KLHL1: variants seen among roughly 807,000 people sequenced by gnomAD.
KLHL1 encodes kelch-like protein 1.
KLHL1 carries 47 observed loss-of-function variants against 77.7 expected under a neutral mutation model. That is an observed-to-expected ratio of 0.60 (90% confidence interval 0.48 to 0.77). The LOEUF (loss-of-function observed/expected upper bound fraction) is 0.77, where lower values mean the gene tolerates loss of function less well. Among genes scored for constraint, KLHL1 ranks in the 30% least tolerant of loss-of-function variants. The pLI is 0.00. For synonymous variants in KLHL1, 360 were observed against 325.2 expected, an observed-to-expected ratio of 1.11 and a Z score of -1.15; for missense variants, 925 against 910.8, an observed-to-expected ratio of 1.02 and a Z score of -0.20.
At chr13:70,077,017 C>T (rs779675999) in intron 1 of KLHL1, among the ~76,000 whole-genome samples, 5 of 151,836 alleles carry the variant, frequency 3.3e-5, no homozygotes, top group East Asian at 3.9e-4. Flanking sequence ...TGTCATTCAT[C>T]GCTGGTGGAA....
At position 69,957,734 on chromosome 13, in the gene KLHL1, C is replaced by T. The variant is rs17085802; in HGVS notation, c.817+3574G>A. ...AGATACCAATTATAAAACGGCACTA[C>T]TTTATAACACACTCTCTTTACAAAT... On this transcript the variant is annotated intron_variant, in intron 3 of 10. Coordinates refer to ENST00000377844, the MANE Select transcript of KLHL1 (RefSeq NM_020866.3). Among the ~76,000 whole-genome samples, 1,340 of 151,854 alleles carry T rather than the reference C, an allele frequency of 8.8e-3. 10 individuals carry two copies. The highest frequency in any genetic ancestry group is 0.013 in the Non-Finnish European group (906 of 67,812).
chr13:69,777,818 A>C (rs1875911172), intron 7 of KLHL1, among the ~76,000 whole-genome samples: 1 of 152,076 alleles, frequency 6.6e-6, no homozygotes, highest in Non-Finnish European at 1.5e-5. Context: ...ACTAATCTGG[A>C]CTTCCTACTC....
chr13:69,805,584 TTAGA>T (rs908472297), intron 6 of KLHL1, among the ~76,000 whole-genome samples: 4 of 151,542 alleles, frequency 2.6e-5, no homozygotes, highest in Non-Finnish European at 5.9e-5. Flanking sequence ...TTAAAACCAT[TTAGA>T]TAGTGGAAAG....
chr13:69,988,344 T>C (rs1884932704), intron 1 of KLHL1, among the ~76,000 whole-genome samples: 1 of 152,192 alleles, frequency 6.6e-6, no homozygotes, highest in South Asian at 2.1e-4. Flanking sequence ...TGTACCACAT[T>C]GTCTTTATCC....
intron 5 of KLHL1, among the ~76,000 whole-genome samples, chr13:69,874,993 C>A (rs1230662898): frequency 6.6e-6 from 1 of 152,060 alleles, no homozygotes; most frequent in African/African-American, 2.4e-5. Flanking sequence ...TTCTACATAG[C>A]ATTTGAAAGT....
chr13:69,712,911 G>C (rs1875947360), intron 9 of KLHL1, among the ~76,000 whole-genome samples: 1 of 151,828 alleles, frequency 6.6e-6, no homozygotes, highest in South Asian at 2.1e-4. Flanking sequence ...TGGTGCTCAA[G>C]CAAACCTTCC....
intron 4 of KLHL1, among the ~76,000 whole-genome samples, chr13:69,891,127 T>C (rs1881412910): frequency 3.3e-5 from 5 of 152,066 alleles, no homozygotes; most frequent in Admixed American, 3.3e-4. Context: ...CTAAATGCCA[T>C]ACATGTTTTG....
rs573788141 is a variant in KLHL1, at chr13:69,726,898, CAT to C, written c.1803-7319_1803-7318del. 9.2e-5 allele frequency among the ~76,000 whole-genome samples: 14 copies of C among 152,148 alleles called. No individual in the cohort carries two copies. In the South Asian group the frequency reaches 2.9e-3, roughly 32 times the overall value. ...CTTTGATATATCATCATGACCAGTA[CAT>C]GTTTGTGAAATTTTTTAAAAAATGA... On this transcript the variant is annotated intron_variant, in intron 8 of 10. Coordinates refer to ENST00000377844, the MANE Select transcript of KLHL1 (RefSeq NM_020866.3).
intron 4 of KLHL1, among the ~76,000 whole-genome samples, chr13:69,922,304 A>G (rs993501495): frequency 1.4e-4 from 21 of 152,244 alleles, no homozygotes; most frequent in African/African-American, 5.1e-4. Context: ...GGAGGAAAAG[A>G]TAAGGCATAT....
At chr13:69,807,419 C>T (rs1031891575) in intron 6 of KLHL1, among the ~76,000 whole-genome samples, 4 of 152,016 alleles carry the variant, frequency 2.6e-5, no homozygotes, top group East Asian at 1.9e-4. Flanking sequence ...ACTGCTCTGC[C>T]GGGAGGGTAC....
intron 4 of KLHL1, 99 bp from the exon 5 acceptor site, chr13:69,882,594 T>C: frequency 5.4e-6 from 4 of 742,412 alleles, no homozygotes; most frequent in Admixed American, 2.5e-5. Context: ...CCTTTGTTCT[T>C]ATTATAACAT....
chr13:70,100,663 A>G (rs1040706183), intron 1 of KLHL1, among the ~76,000 whole-genome samples: 3 of 152,136 alleles, frequency 2.0e-5, no homozygotes, highest in African/African-American at 7.2e-5. Flanking sequence ...ATATTTCAAG[A>G]TCTTCAAAAC....
At chr13:70,080,772 AT>A (rs1887374696) in intron 1 of KLHL1, among the ~76,000 whole-genome samples, 1 of 151,724 alleles carries the variant, frequency 6.6e-6, no homozygotes, top group Admixed American at 6.6e-5. Flanking sequence ...AATTTTTGAC[AT>A]TTTTAGTAGA....
chr13:69,705,900 A>G (rs992477964), intron 10 of KLHL1, among the ~76,000 whole-genome samples: 5 of 151,730 alleles, frequency 3.3e-5, no homozygotes, highest in Non-Finnish European at 7.4e-5. Flanking sequence ...ATGTCTCTTT[A>G]TTATAAATAT....
At chr13:69,986,245 A>C (rs1448249548) in intron 1 of KLHL1, among the ~76,000 whole-genome samples, 1 of 151,956 alleles carries the variant, frequency 6.6e-6, no homozygotes, top group African/African-American at 2.4e-5. Flanking sequence ...AGGAGGAATA[A>C]GTTCTGTTGT....
At chr13:69,908,976 A>G (rs1346035081) in intron 4 of KLHL1, among the ~76,000 whole-genome samples, 1 of 149,802 alleles carries the variant, frequency 6.7e-6, no homozygotes, top group Non-Finnish European at 1.5e-5. Flanking sequence ...AATATTACTT[A>G]TATAATTAAA....
At chr13:70,078,795 C>T (rs7332296) in intron 1 of KLHL1, among the ~76,000 whole-genome samples, 22,005 of 151,890 alleles carry the variant, frequency 0.14, 1,726 homozygotes, top group Non-Finnish European at 0.15. Flanking sequence ...ATTATTTCAC[C>T]AAAATGAAAA....
chr13:70,021,267 T>C (rs1885785019), intron 1 of KLHL1, among the ~76,000 whole-genome samples: 1 of 152,114 alleles, frequency 6.6e-6, no homozygotes, highest in South Asian at 2.1e-4. Context: ...GTTGTATGCA[T>C]GATTTTCAGA....
In KLHL1 at chr13:69,815,586, A is replaced by G. The variant is rs1229754455; in HGVS notation, c.1415-18624T>C. ...AGGGAGGAAAGTGGGAAAGTGTTGA[A>G]AAACTATCATCCATCAGGTACTATG... On this transcript the variant is annotated intron_variant, in intron 6 of 10. Coordinates refer to ENST00000377844, the MANE Select transcript of KLHL1 (RefSeq NM_020866.3). 3.3e-5 allele frequency among the ~76,000 whole-genome samples: 5 copies of G among 152,150 alleles called. No individual in the cohort carries two copies. The East Asian group carries it at 9.6e-4, about 29-fold the overall frequency.
Sources: allele counts gnomAD v4.1 joint callset (sites outside exome capture counted in the v4.1 genomes callset), GRCh38; gene constraint gnomAD v4.1.1; transcripts MANE v1.5; gene names NCBI Gene and HGNC (gene_info 2026-07-23, HGNC 2026-07-21).